ATP2C2: variants seen among roughly 807,000 people sequenced by gnomAD.
ATP2C2 encodes ATPase secretory pathway Ca2+ transporting 2, also known as calcium-transporting ATPase type 2C member 2.
ATP2C2 carries 171 observed loss-of-function variants against 110.8 expected under a neutral mutation model. That is an observed-to-expected ratio of 1.54 (90% CI 1.36 to 1.75). The LOEUF (loss-of-function observed/expected upper bound fraction) is 1.75, where lower values mean the gene tolerates loss of function less well. Among genes scored for constraint, ATP2C2 ranks in the 40% most tolerant of loss-of-function variants. ATP2C2 has a pLI of 0.00. For missense variants in ATP2C2, 1,963 were observed against 1,235.0 expected (o/e 1.59, Z -8.84); for synonymous variants, 804 against 508.4 (o/e 1.58, Z -7.82).
intron 2 of ATP2C2, among the ~76,000 whole-genome samples, chr16:84,399,335 T>C (rs148982436): frequency 1.3e-5 from 2 of 152,140 alleles, no homozygotes; most frequent in Non-Finnish European, 2.9e-5. Flanking sequence ...GGAGGAAGTA[T>C]TTCTTCTCTG....
intron 6 of ATP2C2, among the ~76,000 whole-genome samples, chr16:84,412,252 G>T (rs1211459130): frequency 6.7e-6 from 1 of 148,868 alleles, no homozygotes; most frequent in African/African-American, 2.4e-5. Context: ...ACCTGATTGT[G>T]TATGTGTGTG....
chr16:84,403,777 G>A (rs945122326), intron 2 of ATP2C2, among the ~76,000 whole-genome samples: 1 of 151,104 alleles, frequency 6.6e-6, no homozygotes, highest in South Asian at 2.1e-4. Flanking sequence ...TGCAACCTCC[G>A]CCTCCCAGCT....
chr16:84,398,671 A>G, intron 2 of ATP2C2, 62 bp downstream of exon 2: 1 of 1,356,848 alleles, frequency 7.4e-7, no homozygotes, highest in Non-Finnish European at 1.0e-6. Flanking sequence ...AAAGAAAGCA[A>G]CACAAAGCCC....
chr16:84,400,550 A>G (rs1180304108), intron 2 of ATP2C2, among the ~76,000 whole-genome samples: 3 of 152,014 alleles, frequency 2.0e-5, no homozygotes, highest in African/African-American at 7.3e-5. Flanking sequence ...GATGGTCTCG[A>G]TCTCCTGACC....
intron 14 of ATP2C2, among the ~76,000 whole-genome samples, chr16:84,441,841 T>C (rs1189012311): frequency 6.6e-6 from 1 of 152,120 alleles, no homozygotes; most frequent in African/African-American, 2.4e-5. Context: ...AGAATTGCCT[T>C]GAACCAGGGA....
At chr16:84,387,802 G>C (rs544136008) in intron 1 of ATP2C2, among the ~76,000 whole-genome samples, 2 of 152,124 alleles carry the variant, frequency 1.3e-5, no homozygotes, top group South Asian at 4.2e-4. Context: ...GAATCGCCTG[G>C]GGGACTGGGT....
At position 84,368,669 on chromosome 16, in the gene ATP2C2, G is replaced by C. The variant is rs62048787; in HGVS notation, c.54G>C (p.Gly18=). 443,466 of 1,559,400 alleles carry C rather than the reference G, an allele frequency of 0.28. 67,927 individuals are homozygous for C. The highest frequency in any genetic ancestry group is 0.51 in the East Asian group (20,054 of 39,382). The change falls in exon 1 of 27, where the codon GGG becomes GGC. Residue 18 remains glycine (G), a synonymous_variant. Coordinates refer to ENST00000262429, the MANE Select transcript of ATP2C2 (RefSeq NM_014861.4). The part of the protein sequence containing the change: ...EFLKKLGFSG[G]GRQYQALEKD... The stretch of plus-strand genomic sequence containing the variant: ...TGAAGAAACTCGGCTTCTCGGGCGG[G>C]GGCCGCCAGTACCAGGCGCTGGAGA...
At position 84,403,693 on chromosome 16, in the gene ATP2C2, C is replaced by CT. The variant is rs1042352729; in HGVS notation, c.211-1424dup. ...ATCGCCATTCTCTATCTCCAGAATT[C>CT]TTTTTTTTTTTCTTGAGATGGAGTT... is the stretch of plus-strand genomic sequence containing the variant. On this transcript the variant is annotated intron_variant, in intron 2 of 26. Transcript: ENST00000262429. 8.4e-3 allele frequency among the ~76,000 whole-genome samples: 1,242 copies of CT among 147,838 alleles called. 10 individuals are homozygous for CT. The highest frequency in any genetic ancestry group is 0.025 in the African/African-American group (993 of 40,442).
intron 11 of ATP2C2, among the ~76,000 whole-genome samples, chr16:84,438,637 C>G (rs2260478): frequency 0.82 from 125,138 of 152,124 alleles, 51,614 homozygotes; most frequent in East Asian, 0.95. Flanking sequence ...CACCCCGAAA[C>G]AGATCCACGC....
chr16:84,421,573 T>G (rs541875987), intron 7 of ATP2C2, among the ~76,000 whole-genome samples: 2 of 152,230 alleles, frequency 1.3e-5, no homozygotes, highest in East Asian at 3.9e-4. Context: ...AGCCCCGCTT[T>G]ATGAACTCAG....
Position 84,462,095 on chromosome 16 carries a change from G to C in ATP2C2, c.2688G>C (p.Gln896His), listed in dbSNP as rs1433637840. 11 of 1,613,930 alleles carry C rather than the reference G, an allele frequency of 6.8e-6. No individual in the cohort carries two copies. Among genetic ancestry groups the C allele is most frequent in the Non-Finnish European group, 8.5e-6 (10 of 1,179,970 alleles). ...QLAVIYIPPL[Q>H]RVFQTENLGA... is the part of the protein sequence containing the mutation. ...CGGTCATTTACATCCCCCCGCTGCA[G>C]AGGGTCTTCCAGACGGAGAACCTGG... Residue 896 changes from glutamine (Q) to histidine (H), a missense_variant, in exon 26 of 27, where the codon CAG (glutamine) becomes CAC (histidine). Transcript: ENST00000262429.
At chr16:84,393,227 G>A (rs1028032098) in intron 1 of ATP2C2, among the ~76,000 whole-genome samples, 1 of 152,196 alleles carries the variant, frequency 6.6e-6, no homozygotes, top group African/African-American at 2.4e-5. Flanking sequence ...TTAGATTATG[G>A]AGCTGTGTGA....
intron 7 of ATP2C2, among the ~76,000 whole-genome samples, chr16:84,421,588 G>A (rs1440479114): frequency 1.3e-5 from 2 of 152,114 alleles, no homozygotes; most frequent in African/African-American, 4.8e-5. Flanking sequence ...ACTCAGAGGT[G>A]TCTGGCACGG....
chr16:84,443,759 A>C (rs1005352508), intron 15 of ATP2C2, among the ~76,000 whole-genome samples: 2 of 151,962 alleles, frequency 1.3e-5, no homozygotes, highest in African/African-American at 4.8e-5. Flanking sequence ...CCAGTGCAAG[A>C]CTCCAACCTC....
intron 1 of ATP2C2, among the ~76,000 whole-genome samples, chr16:84,381,167 G>A (rs35516372): frequency 0.15 from 22,843 of 152,202 alleles, 2,211 homozygotes; most frequent in South Asian, 0.27. Context: ...GTGAAGTTAC[G>A]TTTTGCGTGC....
Position 84,453,239 on chromosome 16 carries a change from G to C in ATP2C2, c.1929+4G>C, listed in dbSNP as rs1246936189. The C allele has an allele frequency of 1.9e-6, 3 of 1,614,024 alleles. No homozygotes were observed. Among genetic ancestry groups the C allele is most frequent in the Non-Finnish European group, 1.7e-6 (2 of 1,179,920 alleles). ...GCTGGCCGACCGCGTGGGGAAGGTGGGTCCCCGGAGGCTTGGCTGGCAGTG... is the reference window on the plus strand; with the variant it reads ...GCTGGCCGACCGCGTGGGGAAGGTGCGTCCCCGGAGGCTTGGCTGGCAGTG... On this transcript the variant is annotated splice_donor_region_variant and intron_variant, in intron 19 of 26. Coordinates refer to ENST00000262429, the MANE Select transcript of ATP2C2 (RefSeq NM_014861.4).
At chr16:84,456,264 CTT>C (rs939343005) in intron 21 of ATP2C2, among the ~76,000 whole-genome samples, 5 of 97,020 alleles carry the variant, frequency 5.2e-5, no homozygotes, top group African/African-American at 7.4e-5. Flanking sequence ...GTCCTGGACT[CTT>C]TTTGGTTGGT....
At position 84,452,102 on chromosome 16, in the gene ATP2C2, C is replaced by A; in HGVS notation, c.1831+11C>A. 6.2e-7 allele frequency: 1 copy of A among 1,613,934 alleles called. No homozygotes were observed. The highest frequency in any genetic ancestry group is 8.5e-7 in the Non-Finnish European group (1 of 1,179,972). On this transcript the variant is annotated intron_variant, in intron 18 of 26. Coordinates refer to ENST00000262429, the MANE Select transcript of ATP2C2 (RefSeq NM_014861.4). ...CGGCCTTGGCCATAGGTAACTGGGA[C>A]AGGGTCGGGGGTGAGGACGAAAGGA... is the stretch of plus-strand genomic sequence containing the variant.
chr16:84,387,624 AAG>A (rs1306774860), intron 1 of ATP2C2, among the ~76,000 whole-genome samples: 1 of 152,222 alleles, frequency 6.6e-6, no homozygotes, highest in Non-Finnish European at 1.5e-5. Flanking sequence ...AGAGCAACAA[AAG>A]AGAATGAGTG....
Sources: gnomAD v4.1 joint callset for allele counts (sites outside exome capture counted in the v4.1 genomes callset) on GRCh38, gnomAD v4.1.1 for gene constraint, MANE v1.5 for transcripts, NCBI Gene and HGNC (gene_info 2026-07-23, HGNC 2026-07-21) for gene names.